Variants in RAB7A observed in about 807,000 individuals in gnomAD.
RAB7A encodes the protein ras-related protein Rab-7a.
RAB7A carries 2 observed loss-of-function variants against 24.5 expected under a neutral mutation model. The observed-to-expected ratio is 0.08, with a 90% CI of 0.03 to 0.26. The LOEUF (loss-of-function observed/expected upper bound fraction) is 0.26. Among genes scored for constraint, RAB7A ranks in the 10% least tolerant of loss-of-function variants. The pLI, the probability that RAB7A is intolerant of heterozygous loss-of-function variation, is 1.00. For missense variants in RAB7A, 118 were observed against 255.7 expected (o/e 0.46, Z 3.67); for synonymous variants, 100 against 95.9 (o/e 1.04, Z -0.25).
At chr3:128,791,655 G>C (rs906957795) in intron 1 of RAB7A, among the ~76,000 whole-genome samples, 1 of 152,198 alleles carries the variant, frequency 6.6e-6, no homozygotes, top group Non-Finnish European at 1.5e-5. Context: ...GGATGGGAAA[G>C]AGCCATGGAT....
At chr3:128,746,774 C>A (rs1214899005) in intron 1 of RAB7A, among the ~76,000 whole-genome samples, 1 of 149,894 alleles carries the variant, frequency 6.7e-6, no homozygotes, top group Non-Finnish European at 1.5e-5. Context: ...CGTGATCCAC[C>A]CGCCTTGGCC....
intron 1 of RAB7A, among the ~76,000 whole-genome samples, chr3:128,735,367 C>T (rs1198361624): frequency 6.6e-6 from 1 of 152,178 alleles, no homozygotes; most frequent in Non-Finnish European, 1.5e-5. Flanking sequence ...GGAGGGCAGG[C>T]ACTGCAATCC....
intron 1 of RAB7A, among the ~76,000 whole-genome samples, chr3:128,742,869 C>T (rs369479488): frequency 1.4e-4 from 21 of 152,380 alleles, no homozygotes; most frequent in South Asian, 6.2e-4. Flanking sequence ...CTTCGCCTAG[C>T]GGATCCCGTG....
intron 1 of RAB7A, among the ~76,000 whole-genome samples, chr3:128,761,508 T>G (rs1333232539): frequency 6.6e-6 from 1 of 152,314 alleles, no homozygotes; most frequent in African/African-American, 2.4e-5. Context: ...TCTTTGCATC[T>G]CTAGCAGTTG....
At chr3:128,741,235 C>T (rs963961647) in intron 1 of RAB7A, among the ~76,000 whole-genome samples, 1 of 152,008 alleles carries the variant, frequency 6.6e-6, no homozygotes, top group Non-Finnish European at 1.5e-5. Flanking sequence ...AAACATTATT[C>T]CTGGCTTGTA....
At chr3:128,737,426 C>T (rs975942606) in intron 1 of RAB7A, among the ~76,000 whole-genome samples, 2 of 151,092 alleles carry the variant, frequency 1.3e-5, no homozygotes, top group Admixed American at 6.6e-5. Flanking sequence ...TCACTGCAGC[C>T]TCTGCCTCCC....
intron 5 of RAB7A, among the ~76,000 whole-genome samples, chr3:128,812,131 G>A (rs1237184780): frequency 1.3e-5 from 2 of 152,084 alleles, no homozygotes; most frequent in Non-Finnish European, 2.9e-5. Context: ...TACACTTCAT[G>A]GCATGTGAGT....
intron 2 of RAB7A, among the ~76,000 whole-genome samples, chr3:128,797,507 A>G (rs773258071): frequency 5.3e-5 from 8 of 152,248 alleles, no homozygotes; most frequent in Non-Finnish European, 1.0e-4. Context: ...CTGAAAGCCA[A>G]GGTCTTCCTC....
intron 1 of RAB7A, among the ~76,000 whole-genome samples, chr3:128,773,925 C>G (rs1020766163): frequency 1.3e-5 from 2 of 151,324 alleles, no homozygotes; most frequent in Admixed American, 6.6e-5. Flanking sequence ...TCTCAAGTAC[C>G]CAGGGACACA....
chr3:128,789,379 A>G (rs2107608363), intron 1 of RAB7A, among the ~76,000 whole-genome samples: 1 of 142,782 alleles, frequency 7.0e-6, no homozygotes. Flanking sequence ...TCTGTTGCCC[A>G]GGCTGGAGCG....
At chr3:128,811,793 G>A (rs1933932951) in intron 5 of RAB7A, among the ~76,000 whole-genome samples, 1 of 151,416 alleles carries the variant, frequency 6.6e-6, no homozygotes. Flanking sequence ...AGGCTGCAGT[G>A]AGCTGTGATC....
intron 1 of RAB7A, among the ~76,000 whole-genome samples, chr3:128,783,712 C>G (rs1933271198): frequency 6.6e-6 from 1 of 152,226 alleles, no homozygotes; most frequent in Non-Finnish European, 1.5e-5. Context: ...TAGCTGCTCT[C>G]TGTACCTGAA....
At chr3:128,757,149 C>T (rs1362397351) in intron 1 of RAB7A, among the ~76,000 whole-genome samples, 2 of 152,010 alleles carry the variant, frequency 1.3e-5, no homozygotes, top group Non-Finnish European at 1.5e-5. Flanking sequence ...CTGGCCCAGT[C>T]CCACTCTTGT....
intron 1 of RAB7A, among the ~76,000 whole-genome samples, chr3:128,794,468 A>G (rs908109092): frequency 1.3e-5 from 2 of 152,236 alleles, no homozygotes; most frequent in African/African-American, 4.8e-5. Context: ...TCTGCTGCTT[A>G]AGTCACTCCC....
chr3:128,806,982 AC>A (rs768672491), intron 4 of RAB7A, among the ~76,000 whole-genome samples: 1 of 152,204 alleles, frequency 6.6e-6, no homozygotes, highest in Non-Finnish European at 1.5e-5. Context: ...AGTTTCAAAT[AC>A]CATTTCTGTT....
intron 1 of RAB7A, among the ~76,000 whole-genome samples, chr3:128,767,339 G>A (rs778314577): frequency 1.3e-5 from 2 of 152,236 alleles, no homozygotes; most frequent in African/African-American, 2.4e-5. Flanking sequence ...GACCTGGGCT[G>A]TGGGACCCTC....
intron 1 of RAB7A, among the ~76,000 whole-genome samples, chr3:128,750,228 G>A (rs2070663343): frequency 1.3e-5 from 2 of 152,174 alleles, no homozygotes; most frequent in African/African-American, 2.4e-5. Context: ...CTTTTAACTT[G>A]AGAGAGATGA....
intron 1 of RAB7A, among the ~76,000 whole-genome samples, chr3:128,758,457 A>G (rs1055173300): frequency 1.3e-5 from 2 of 151,382 alleles, no homozygotes; most frequent in African/African-American, 4.9e-5. Flanking sequence ...TTGTATTTTT[A>G]GTAGAGACGG....
Position 128,813,498 on chromosome 3 carries a change from C to T in RAB7A, c.*76C>T. 7.3e-7 allele frequency: 1 copy of T among 1,369,332 alleles called. No homozygotes were observed. The highest frequency in any genetic ancestry group is 1.0e-6 in the Non-Finnish European group (1 of 961,034). 84.8% of individuals were successfully genotyped at this position (1,369,332 alleles called of 1,614,324 possible). A position where few individuals can be genotyped will look rare whatever the true frequency, so the allele number is the denominator to read the frequency against. On this transcript the variant is annotated 3_prime_UTR_variant, in exon 6 of 6. Coordinates refer to ENST00000265062, the MANE Select transcript of RAB7A (RefSeq NM_004637.6). ...TAGGCCTTCAACACAATTCCCCTCT[C>T]CTCTTCCAAACAAAACATACATTGA... is the stretch of plus-strand genomic sequence containing the variant.
Sources: allele counts gnomAD v4.1 joint callset (sites outside exome capture counted in the v4.1 genomes callset), GRCh38; gene constraint gnomAD v4.1.1; transcripts MANE v1.5; gene names NCBI Gene and HGNC (gene_info 2026-07-23, HGNC 2026-07-21).